MAML3: variants seen among roughly 807,000 people sequenced by gnomAD.
MAML3 encodes mastermind like transcriptional coactivator 3, also known as mastermind-like protein 3.
MAML3 carries 27 observed loss-of-function variants against 101.9 expected under a neutral mutation model. The observed-to-expected ratio is 0.27, with a 90% CI of 0.20 to 0.37. MAML3 has a LOEUF of 0.37. Ranked by LOEUF, MAML3 falls within the 10% of genes least tolerant of loss-of-function variation. The pLI, the probability that MAML3 is intolerant of heterozygous loss-of-function variation, is 1.00. For missense variants in MAML3, 1,316 were observed against 1,444.9 expected, an observed-to-expected ratio of 0.91 and a Z score of 1.45; for synonymous variants, 501 against 555.9, an observed-to-expected ratio of 0.90 and a Z score of 1.39.
At chr4:140,064,530 C>A (rs1359487605) in intron 1 of MAML3, among the ~76,000 whole-genome samples, 1 of 152,174 alleles carries the variant, frequency 6.6e-6, no homozygotes, top group Non-Finnish European at 1.5e-5. Flanking sequence ...TCTGCTTTTC[C>A]ACACTTCAAG....
chr4:139,893,519 C>T (rs937799744), intron 1 of MAML3, among the ~76,000 whole-genome samples: 2 of 152,120 alleles, frequency 1.3e-5, no homozygotes, highest in Non-Finnish European at 2.9e-5. Flanking sequence ...TGCACCCAGT[C>T]CTCAGGTTCA....
In MAML3 at chr4:139,957,734, T is replaced by C. The variant is rs146844113; in HGVS notation, c.469-66767A>G. ...TTTACATCTTCTCACTCTAAATTATTATGATCATTTACTTCCCCATTTCCA... is the reference window on the plus strand; with the variant it reads ...TTTACATCTTCTCACTCTAAATTATCATGATCATTTACTTCCCCATTTCCA... On this transcript the variant is annotated intron_variant, in intron 1 of 4. Coordinates refer to ENST00000509479, the MANE Select transcript of MAML3 (RefSeq NM_018717.5). Among the ~76,000 whole-genome samples, 340 of 152,338 alleles carry C rather than the reference T, an allele frequency of 2.2e-3. 3 individuals carry two copies. Among genetic ancestry groups the C allele is most frequent in the African/African-American group, 7.9e-3 (327 of 41,578 alleles).
At chr4:140,039,322 T>C (rs1727040840) in intron 1 of MAML3, among the ~76,000 whole-genome samples, 1 of 152,124 alleles carries the variant, frequency 6.6e-6, no homozygotes. Context: ...TCTGCTGGAC[T>C]GCTCCCTGGT....
At chr4:140,150,434 G>A (rs1729139013) in intron 1 of MAML3, among the ~76,000 whole-genome samples, 1 of 152,156 alleles carries the variant, frequency 6.6e-6, no homozygotes, top group Non-Finnish European at 1.5e-5. Flanking sequence ...AACACCGAAA[G>A]TTTCTGGTCG....
At chr4:140,053,597 T>G (rs757881979) in intron 1 of MAML3, among the ~76,000 whole-genome samples, 1 of 152,192 alleles carries the variant, frequency 6.6e-6, no homozygotes, top group South Asian at 2.1e-4. Context: ...CATACATGCA[T>G]GCACATATTT....
chr4:139,898,124 A>G (rs1732647648), intron 1 of MAML3, among the ~76,000 whole-genome samples: 1 of 152,176 alleles, frequency 6.6e-6, no homozygotes, highest in Non-Finnish European at 1.5e-5. Context: ...TTCATATCAC[A>G]CTATAACTAT....
At chr4:140,044,738 T>A (rs554816109) in intron 1 of MAML3, among the ~76,000 whole-genome samples, 204 of 152,314 alleles carry the variant, frequency 1.3e-3, no homozygotes, top group African/African-American at 4.5e-3. Context: ...TGGACATGTG[T>A]GAACTGACGT....
At chr4:140,094,875 C>G (rs1444631877) in intron 1 of MAML3, among the ~76,000 whole-genome samples, 1 of 152,238 alleles carries the variant, frequency 6.6e-6, no homozygotes, top group African/African-American at 2.4e-5. Flanking sequence ...TCTTTTGTCT[C>G]AAAGCCAGAA....
At chr4:139,751,482 A>C (rs143816308) in intron 2 of MAML3, among the ~76,000 whole-genome samples, 504 of 152,350 alleles carry the variant, frequency 3.3e-3, no homozygotes, top group African/African-American at 0.011. Context: ...CAAAGTTTTG[A>C]CTGCATTTTG....
At chr4:139,772,387 G>A (rs933030382) in intron 2 of MAML3, among the ~76,000 whole-genome samples, 36 of 150,076 alleles carry the variant, frequency 2.4e-4, no homozygotes, top group South Asian at 1.1e-3. Flanking sequence ...TGTTGCTTAG[G>A]CTGGAGTGCA....
At chr4:140,138,947 A>G (rs12498554) in intron 1 of MAML3, among the ~76,000 whole-genome samples, 1 of 152,174 alleles carries the variant, frequency 6.6e-6, no homozygotes, top group African/African-American at 2.4e-5. Flanking sequence ...CCTATTTATA[A>G]ATTCATATGG....
chr4:139,769,391 T>C (rs977619216), intron 2 of MAML3, among the ~76,000 whole-genome samples: 6 of 152,196 alleles, frequency 3.9e-5, no homozygotes, highest in Non-Finnish European at 7.3e-5. Flanking sequence ...GGTGCTCTCT[T>C]GTCCATTTTG....
intron 2 of MAML3, among the ~76,000 whole-genome samples, chr4:139,839,772 T>C (rs1006665143): frequency 1.3e-5 from 2 of 152,172 alleles, no homozygotes; most frequent in Admixed American, 1.3e-4. Flanking sequence ...ATGAGGCCTG[T>C]ACGCCATGAC....
chr4:140,060,365 C>CAAAAAAAAAAAAAAAAAA (rs70943471), intron 1 of MAML3, among the ~76,000 whole-genome samples: 1,302 of 19,112 alleles, frequency 0.068, 568 homozygotes, highest in Non-Finnish European at 0.091. Flanking sequence ...GACTCTGTCT[C>CAAAAAAAAAAAAAAAAAA]AAAAAAAAAA....
chr4:139,951,648 G>T (rs1407333614), intron 1 of MAML3, among the ~76,000 whole-genome samples: 2 of 152,150 alleles, frequency 1.3e-5, no homozygotes, highest in African/African-American at 2.4e-5. Context: ...GAAAGGGTCA[G>T]CTGTGGCTTC....
chr4:139,736,851 A>G (rs1728966601), intron 2 of MAML3, among the ~76,000 whole-genome samples: 1 of 152,230 alleles, frequency 6.6e-6, no homozygotes, highest in South Asian at 2.1e-4. Context: ...ATTAGATTGC[A>G]AAGCTGCACT....
At chr4:140,074,340 A>G (rs1727731956) in intron 1 of MAML3, among the ~76,000 whole-genome samples, 1 of 152,162 alleles carries the variant, frequency 6.6e-6, no homozygotes, top group African/African-American at 2.4e-5. Flanking sequence ...TGTACCTACC[A>G]GCAACCCCCT....
chr4:140,096,138 A>G (rs1728157417), intron 1 of MAML3, among the ~76,000 whole-genome samples: 1 of 152,318 alleles, frequency 6.6e-6, no homozygotes, highest in South Asian at 2.1e-4. Context: ...ACCTATTTAA[A>G]GAAGGCAGAC....
intron 2 of MAML3, among the ~76,000 whole-genome samples, chr4:139,773,557 C>G (rs1730036882): frequency 6.6e-6 from 1 of 152,164 alleles, no homozygotes; most frequent in Non-Finnish European, 1.5e-5. Context: ...TAATTCCAAC[C>G]CTAGGTAGTG....
Sources: gnomAD v4.1 joint callset for allele counts (sites outside exome capture counted in the v4.1 genomes callset) on GRCh38, gnomAD v4.1.1 for gene constraint, MANE v1.5 for transcripts, NCBI Gene and HGNC (gene_info 2026-07-23, HGNC 2026-07-21) for gene names.